Variants in GRM7 observed in about 807,000 individuals in gnomAD.
GRM7 encodes the protein metabotropic glutamate receptor 7.
A neutral mutation model predicts 84.5 loss-of-function variants in GRM7; 35 were observed. The ratio of observed to expected loss-of-function variants is 0.41; its 90% confidence interval spans 0.32 to 0.55. GRM7 has a LOEUF of 0.55. Ranked by LOEUF, GRM7 falls within the 20% of genes least tolerant of loss-of-function variation. The pLI, the probability that GRM7 is intolerant of heterozygous loss-of-function variation, is 0.19. For missense variants in GRM7, 1,003 were observed against 1,194.6 expected (o/e 0.84, Z 2.36); for synonymous variants, 487 against 455.1 (o/e 1.07, Z -0.89).
intron 1 of GRM7, among the ~76,000 whole-genome samples, chr3:6,903,467 A>G (rs1696465719): frequency 1.3e-5 from 2 of 152,150 alleles, no homozygotes; most frequent in Admixed American, 1.3e-4. Flanking sequence ...CTGTTGCTGC[A>G]TATGAACTTA....
intron 1 of GRM7, among the ~76,000 whole-genome samples, chr3:6,980,917 G>A (rs945723894): frequency 6.6e-6 from 1 of 152,146 alleles, no homozygotes; most frequent in Non-Finnish European, 1.5e-5. Context: ...ATGTAAACTG[G>A]TGAAATTACT....
chr3:7,270,627 G>A (rs554152531), intron 2 of GRM7, among the ~76,000 whole-genome samples: 1 of 152,254 alleles, frequency 6.6e-6, no homozygotes, highest in East Asian at 1.9e-4. Flanking sequence ...CATCCTCAAA[G>A]TGTAGTTTGA....
At position 7,553,435 on chromosome 3, in the gene GRM7, A is replaced by G. The variant is rs190384819; in HGVS notation, c.1516-24987A>G. Among the ~76,000 whole-genome samples the G allele has an allele frequency of 1.2e-4, 19 of 152,324 alleles. No homozygotes were observed. In the South Asian group the frequency reaches 1.9e-3, roughly 15 times the overall value. Reference sequence around the variant, plus strand: ...TGCTTCCACAATTTCAAGTGTCTGTATAGCAGCACCCCATTCCTGGTACCA... The same window carrying G: ...TGCTTCCACAATTTCAAGTGTCTGTGTAGCAGCACCCCATTCCTGGTACCA... On this transcript the variant is annotated intron_variant, in intron 7 of 9. Transcript: ENST00000357716.
At chr3:7,211,424 C>T (rs2124847111) in intron 2 of GRM7, among the ~76,000 whole-genome samples, 1 of 152,228 alleles carries the variant, frequency 6.6e-6, no homozygotes, top group East Asian at 1.9e-4. Flanking sequence ...CAATGATAAA[C>T]ATCGGATTTG....
chr3:7,217,335 G>A (rs896288566), intron 2 of GRM7, among the ~76,000 whole-genome samples: 1 of 152,254 alleles, frequency 6.6e-6, no homozygotes. Flanking sequence ...GTACGGAGTT[G>A]TTATAGTTTC....
intron 2 of GRM7, among the ~76,000 whole-genome samples, chr3:7,289,572 G>A (rs1051456500): frequency 6.6e-5 from 10 of 151,978 alleles, no homozygotes; most frequent in South Asian, 2.1e-4. Context: ...TGTTTATTGC[G>A]GCACTATTCA....
chr3:7,335,722 G>T (rs1388119938), intron 4 of GRM7, among the ~76,000 whole-genome samples: 2 of 151,808 alleles, frequency 1.3e-5, no homozygotes, highest in African/African-American at 4.8e-5. Flanking sequence ...GAAATGGGAG[G>T]TATTACAACA....
At chr3:7,330,763 C>T (rs2125065617) in intron 4 of GRM7, among the ~76,000 whole-genome samples, 1 of 152,332 alleles carries the variant, frequency 6.6e-6, no homozygotes, top group Admixed American at 6.5e-5. Context: ...TTATAAATTA[C>T]CCAGTCTTGG....
intron 1 of GRM7, among the ~76,000 whole-genome samples, chr3:7,126,655 T>C (rs922031406): frequency 3.3e-5 from 5 of 152,222 alleles, no homozygotes; most frequent in Non-Finnish European, 5.9e-5. Flanking sequence ...GAATTTTAAG[T>C]GTTCTTTTTA....
chr3:7,314,372 C>A (rs1037734074), intron 4 of GRM7, among the ~76,000 whole-genome samples: 17 of 151,454 alleles, frequency 1.1e-4, no homozygotes, highest in African/African-American at 3.9e-4. Context: ...ATTAGCATCT[C>A]TATATATTGC....
intron 9 of GRM7, among the ~76,000 whole-genome samples, chr3:7,711,416 G>A (rs1386092836): frequency 1.3e-5 from 2 of 152,176 alleles, no homozygotes; most frequent in Non-Finnish European, 2.9e-5. Flanking sequence ...AGTGTAGTGA[G>A]CGAGCAGGAA....
intron 1 of GRM7, among the ~76,000 whole-genome samples, chr3:6,961,670 A>G (rs556488179): frequency 1.2e-4 from 18 of 152,290 alleles, no homozygotes; most frequent in African/African-American, 3.9e-4. Context: ...ATCAAAAGAA[A>G]ACGCCTTACC....
At chr3:7,428,509 T>C (rs1235701655) in intron 5 of GRM7, among the ~76,000 whole-genome samples, 1 of 152,168 alleles carries the variant, frequency 6.6e-6, no homozygotes, top group African/African-American at 2.4e-5. Context: ...TCTTGAAAAG[T>C]GTACATTCAT....
At chr3:7,389,430 T>C (rs1694906049) in intron 4 of GRM7, among the ~76,000 whole-genome samples, 1 of 152,116 alleles carries the variant, frequency 6.6e-6, no homozygotes, top group South Asian at 2.1e-4. Context: ...TTCTCTGCTT[T>C]GATTATTTGT....
At chr3:7,467,417 C>A (rs1195406281) in intron 7 of GRM7, among the ~76,000 whole-genome samples, 1 of 152,088 alleles carries the variant, frequency 6.6e-6, no homozygotes, top group African/African-American at 2.4e-5. Context: ...ATGTGGTTTG[C>A]CCTGGGTGTT....
intron 7 of GRM7, among the ~76,000 whole-genome samples, chr3:7,565,618 A>T (rs1694222328): frequency 6.6e-6 from 1 of 152,202 alleles, no homozygotes; most frequent in Non-Finnish European, 1.5e-5. Flanking sequence ...TCTCTGCCAA[A>T]TTGTGCACAG....
chr3:7,407,735 T>C (rs918641925), intron 4 of GRM7, among the ~76,000 whole-genome samples: 1 of 152,208 alleles, frequency 6.6e-6, no homozygotes, highest in Non-Finnish European at 1.5e-5. Context: ...GAAATGTAAG[T>C]GATAGACTTA....
intron 1 of GRM7, among the ~76,000 whole-genome samples, chr3:7,089,313 T>C (rs1239977036): frequency 6.6e-6 from 1 of 152,198 alleles, no homozygotes; most frequent in Non-Finnish European, 1.5e-5. Flanking sequence ...AATAATATTA[T>C]GTAATTTTCT....
intron 8 of GRM7, among the ~76,000 whole-genome samples, chr3:7,661,791 T>G (rs1699459590): frequency 1.8e-4 from 1 of 5,510 alleles, no homozygotes; most frequent in African/African-American, 2.7e-4. Flanking sequence ...GAGGTCTCCG[T>G]CTCAAAAAAA....
Sources: allele counts gnomAD v4.1 joint callset (sites outside exome capture counted in the v4.1 genomes callset), GRCh38; gene constraint gnomAD v4.1.1; transcripts MANE v1.5; gene names NCBI Gene and HGNC (gene_info 2026-07-23, HGNC 2026-07-21).